The following RBFOX1 variants were observed in gnomAD, a reference collection of about 807,000 sequenced individuals.
The protein encoded by RBFOX1 is RNA binding protein fox-1 homolog 1.
Under a neutral mutation model 57.7 loss-of-function variants are expected in RBFOX1, and 8 were observed. The observed-to-expected ratio is 0.14, with a 90% CI of 0.08 to 0.25. The LOEUF is 0.25. RBFOX1 is among the 10% of genes least tolerant of loss of function. RBFOX1 has a pLI of 1.00. For synonymous variants in RBFOX1, 326 were observed against 222.4 expected, an observed-to-expected ratio of 1.47 and a Z score of -4.15; for missense variants, 611 against 548.5, an observed-to-expected ratio of 1.11 and a Z score of -1.14.
At chr16:6,773,419 G>A (rs536697819) in intron 3 of RBFOX1, among the ~76,000 whole-genome samples, 1 of 144,750 alleles carries the variant, frequency 6.9e-6, no homozygotes, top group Admixed American at 6.9e-5. Context: ...GTGTATGTGT[G>A]GGAGTTGGGT....
chr16:6,095,805 G>C (rs561755824), intron 1 of RBFOX1, among the ~76,000 whole-genome samples: 1 of 152,176 alleles, frequency 6.6e-6, no homozygotes, highest in African/African-American at 2.4e-5. Flanking sequence ...GTCTGGGATC[G>C]TTACCAACAG....
At chr16:6,875,871 GC>G (rs2061746124) in intron 3 of RBFOX1, among the ~76,000 whole-genome samples, 2 of 152,092 alleles carry the variant, frequency 1.3e-5, no homozygotes, top group South Asian at 4.1e-4. Flanking sequence ...GGTGGTCCAT[GC>G]GTGGAATCCA....
chr16:6,413,490 T>A (rs1325833263), intron 2 of RBFOX1, among the ~76,000 whole-genome samples: 1 of 152,112 alleles, frequency 6.6e-6, no homozygotes, highest in Non-Finnish European at 1.5e-5. Context: ...AGATAATGGT[T>A]AGGACAGTGA....
chr16:6,118,675 TCTTC>T (rs150146127), intron 1 of RBFOX1, among the ~76,000 whole-genome samples: 1,875 of 149,740 alleles, frequency 0.013, 35 homozygotes, highest in African/African-American at 0.044. Flanking sequence ...CTTCCTTCCT[TCTTC>T]CTTCCTTCCT....
chr16:5,976,488 G>T (rs1338000066), intron 4 of RBFOX1, among the ~76,000 whole-genome samples: 1 of 152,130 alleles, frequency 6.6e-6, no homozygotes, highest in African/African-American at 2.4e-5. Context: ...AATCCCATTA[G>T]GAAAGAAATT....
chr16:7,186,571 TATATAAATATAAG>T, intron 4 of RBFOX1, among the ~76,000 whole-genome samples: 1 of 118,432 alleles, frequency 8.4e-6, no homozygotes, highest in Non-Finnish European at 1.7e-5. Flanking sequence ...TAAACATATT[TATATAAATATAAG>T]CTTAAACATA....
chr16:5,540,721 C>T (rs1255999463), intron 2 of RBFOX1, among the ~76,000 whole-genome samples: 2 of 152,170 alleles, frequency 1.3e-5, no homozygotes, highest in Non-Finnish European at 2.9e-5. Flanking sequence ...GTTAAAAACA[C>T]CCTAGTCTTT....
intron 13 of RBFOX1, chr16:7,671,529 A>C (rs753520328): frequency 6.3e-7 from 1 of 1,582,546 alleles, no homozygotes; most frequent in African/African-American, 1.3e-5. Context: ...TTTTGCATTG[A>C]AAACATTACA....
At chr16:5,368,181 C>T (rs1033044929) in intron 1 of RBFOX1, among the ~76,000 whole-genome samples, 1 of 152,188 alleles carries the variant, frequency 6.6e-6, no homozygotes, top group Admixed American at 6.5e-5. Context: ...GATGTCAACG[C>T]ATAATATTTG....
At chr16:5,825,273 G>C (rs1447193432) in intron 3 of RBFOX1, among the ~76,000 whole-genome samples, 7 of 152,234 alleles carry the variant, frequency 4.6e-5, no homozygotes, top group African/African-American at 1.7e-4. Context: ...AGCAGTACCA[G>C]GAACCCCAGG....
intron 3 of RBFOX1, among the ~76,000 whole-genome samples, chr16:6,977,229 T>C (rs1266491246): frequency 1.3e-5 from 2 of 148,842 alleles, no homozygotes; most frequent in Non-Finnish European, 3.0e-5. Context: ...CATATAATCA[T>C]ATATGATTTA....
intron 4 of RBFOX1, among the ~76,000 whole-genome samples, chr16:7,413,989 C>T (rs537858047): frequency 6.6e-6 from 1 of 152,176 alleles, no homozygotes; most frequent in African/African-American, 2.4e-5. Flanking sequence ...ATGTTGGTGA[C>T]TATCATCACC....
At chr16:5,789,222 CT>C (rs2054609187) in intron 3 of RBFOX1, among the ~76,000 whole-genome samples, 2 of 152,232 alleles carry the variant, frequency 1.3e-5, no homozygotes, top group South Asian at 4.1e-4. Flanking sequence ...TCCTATAATA[CT>C]TTATAATCCT....
intron 4 of RBFOX1, among the ~76,000 whole-genome samples, chr16:5,937,989 A>T (rs1298629810): frequency 6.6e-6 from 1 of 152,170 alleles, no homozygotes; most frequent in Non-Finnish European, 1.5e-5. Flanking sequence ...ATAGTTATTA[A>T]TTTAAATCAC....
intron 3 of RBFOX1, among the ~76,000 whole-genome samples, chr16:6,880,604 T>C (rs1223696320): frequency 6.6e-6 from 1 of 152,202 alleles, no homozygotes; most frequent in Admixed American, 6.5e-5. Flanking sequence ...CTGTCTGAAA[T>C]GTGAACTGGA....
intron 3 of RBFOX1, among the ~76,000 whole-genome samples, chr16:6,927,518 G>C (rs958125243): frequency 2.0e-5 from 3 of 149,962 alleles, no homozygotes; most frequent in Admixed American, 2.0e-4. Flanking sequence ...GAAGCTCCAT[G>C]TGAGCAGATA....
chr16:6,052,167 G>A (rs917619399), intron 1 of RBFOX1, among the ~76,000 whole-genome samples: 1 of 152,098 alleles, frequency 6.6e-6, no homozygotes, highest in Non-Finnish European at 1.5e-5. Flanking sequence ...CGCTGCTCCG[G>A]TTCTTGGTGT....
intron 4 of RBFOX1, among the ~76,000 whole-genome samples, chr16:7,370,441 C>A (rs1009403224): frequency 6.6e-6 from 1 of 152,166 alleles, no homozygotes; most frequent in Non-Finnish European, 1.5e-5. Flanking sequence ...CCAGGAATCA[C>A]TGTATTTGTC....
At chr16:7,123,337 A>G (rs2067639371) in intron 4 of RBFOX1, among the ~76,000 whole-genome samples, 1 of 152,092 alleles carries the variant, frequency 6.6e-6, no homozygotes, top group South Asian at 2.1e-4. Context: ...AATAAATGAA[A>G]AAGTGTAGAA....
Sources: allele counts gnomAD v4.1 joint callset (sites outside exome capture counted in the v4.1 genomes callset), GRCh38; gene constraint gnomAD v4.1.1; transcripts MANE v1.5; gene names NCBI Gene and HGNC (gene_info 2026-07-23, HGNC 2026-07-21).